RIN2: variants seen among roughly 807,000 people sequenced by gnomAD.
The protein encoded by RIN2 is Ras and Rab interactor 2, also known as RAB5 interacting protein 2.
RIN2 carries 36 observed loss-of-function variants against 78.0 expected under a neutral mutation model. That is an observed-to-expected ratio of 0.46 (90% CI 0.35 to 0.61). The LOEUF (loss-of-function observed/expected upper bound fraction) is 0.61. Among genes scored for constraint, RIN2 ranks in the 20% least tolerant of loss-of-function variants. The pLI is 0.00. For synonymous variants in RIN2, 466 were observed against 466.8 expected (o/e 1.00, Z 0.02); for missense variants, 1,087 against 1,159.7 (o/e 0.94, Z 0.91).
intron 2 of RIN2, among the ~76,000 whole-genome samples, chr20:19,824,968 G>A (rs961775051): frequency 3.3e-5 from 5 of 152,118 alleles, no homozygotes; most frequent in African/African-American, 7.2e-5. Flanking sequence ...TCGAGGCCAC[G>A]AGAACCTCTT....
At chr20:19,969,375 C>G (rs188233122) in intron 7 of RIN2, among the ~76,000 whole-genome samples, 1 of 152,148 alleles carries the variant, frequency 6.6e-6, no homozygotes, top group Admixed American at 6.6e-5. Flanking sequence ...CAGACCCTCC[C>G]CACCCCAGGG....
chr20:19,803,418 A>G (rs944266559), intron 2 of RIN2, among the ~76,000 whole-genome samples: 1 of 152,242 alleles, frequency 6.6e-6, no homozygotes, highest in African/African-American at 2.4e-5. Context: ...AACAGAATAG[A>G]GATCTCAGAA....
At chr20:19,892,712 C>T (rs1178051573) in intron 3 of RIN2, among the ~76,000 whole-genome samples, 1 of 152,228 alleles carries the variant, frequency 6.6e-6, no homozygotes, top group African/African-American at 2.4e-5. Context: ...TTATTCTTTG[C>T]TGTAACAATT....
At chr20:19,964,266 AAGTG>A (rs1465149381) in intron 6 of RIN2, among the ~76,000 whole-genome samples, 34 of 151,948 alleles carry the variant, frequency 2.2e-4, no homozygotes, top group African/African-American at 8.0e-4. Flanking sequence ...TTTTAAAAAA[AAGTG>A]AGAGAGAGAG....
intron 2 of RIN2, among the ~76,000 whole-genome samples, chr20:19,843,934 C>T (rs911678490): frequency 5.3e-5 from 8 of 152,130 alleles, no homozygotes; most frequent in African/African-American, 1.9e-4. Context: ...ATAAAACATG[C>T]AATTCTTTGA....
chr20:19,847,652 G>C (rs2036829471), intron 2 of RIN2, among the ~76,000 whole-genome samples: 1 of 152,084 alleles, frequency 6.6e-6, no homozygotes, highest in Non-Finnish European at 1.5e-5. Context: ...ACCAGATTTA[G>C]AAACATAATG....
In RIN2 at chr20:19,842,387, C is replaced by CTTTTTTTTTTTTTTTT. The variant is rs139642869; in HGVS notation, c.-37+42651_-37+42666dup. On this transcript the variant is annotated intron_variant, in intron 2 of 12. Coordinates refer to ENST00000255006, the MANE Select transcript of RIN2 (RefSeq NM_018993.4). ...TACAGGCACTCACCACCATCCCTGG[C>CTTTTTTTTTTTTTTTT]TTTTTTTTTTTTTTTTTTTTTTTTT... is the stretch of plus-strand genomic sequence containing the variant. 1.7e-4 allele frequency among the ~76,000 whole-genome samples: 8 copies of CTTTTTTTTTTTTTTTT among 46,198 alleles called. 2 individuals are homozygous for CTTTTTTTTTTTTTTTT. The highest frequency in any genetic ancestry group is 2.0e-4 in the Non-Finnish European group (5 of 24,848). 30.3% of individuals were successfully genotyped at this position (46,198 alleles called of 152,430 possible).
intron 4 of RIN2, among the ~76,000 whole-genome samples, chr20:19,949,691 C>T (rs1019994372): frequency 5.3e-5 from 8 of 152,206 alleles, no homozygotes; most frequent in African/African-American, 1.9e-4. Flanking sequence ...ATGCAGCTCG[C>T]GGGAGCGGGT....
At chr20:19,910,917 A>G (rs989451624) in intron 3 of RIN2, among the ~76,000 whole-genome samples, 3 of 151,408 alleles carry the variant, frequency 2.0e-5, no homozygotes, top group Non-Finnish European at 2.9e-5. Flanking sequence ...AATAGTTGCA[A>G]GAAGAGTTCA....
intron 1 of RIN2, among the ~76,000 whole-genome samples, chr20:19,797,630 T>C (rs2035099177): frequency 6.6e-6 from 1 of 152,184 alleles, no homozygotes. Context: ...CGTAGCTTAA[T>C]GTTTATTGGG....
At chr20:19,966,945 C>T (rs1397813036) in intron 7 of RIN2, among the ~76,000 whole-genome samples, 1 of 151,662 alleles carries the variant, frequency 6.6e-6, no homozygotes, top group Admixed American at 6.6e-5. Context: ...ACACACTCAT[C>T]CCCAGGGAAC....
intron 9 of RIN2, among the ~76,000 whole-genome samples, chr20:19,983,940 T>C (rs546540993): frequency 6.6e-6 from 1 of 152,280 alleles, no homozygotes; most frequent in African/African-American, 2.4e-5. Context: ...GCAGGTTTTT[T>C]ACATATGTAT....
At chr20:19,800,637 A>T (rs1349320426) in intron 2 of RIN2, among the ~76,000 whole-genome samples, 1 of 152,204 alleles carries the variant, frequency 6.6e-6, no homozygotes, top group Non-Finnish European at 1.5e-5. Context: ...CATGGGACTT[A>T]GAAGGCTGGC....
chr20:19,759,421 T>G (rs987812961), intron 1 of RIN2, among the ~76,000 whole-genome samples: 1 of 152,128 alleles, frequency 6.6e-6, no homozygotes, highest in East Asian at 1.9e-4. Flanking sequence ...TGCAAAGGGC[T>G]TACTGGGAAA....
chr20:19,975,979 G>A lies in RIN2; in HGVS notation c.1762+192G>A, dbSNP rs980984751. ...GACTGCCAGACTCAAAAATGTCTTC[G>A]GGAGTGACAGATTGGAGCTGCACAG... On this transcript the variant is annotated intron_variant, in intron 9 of 12. Coordinates refer to ENST00000255006, the MANE Select transcript of RIN2 (RefSeq NM_018993.4). The surrounding 1 kb of genome is among the most constrained non-coding windows in gnomAD (Gnocchi z 4.9). 1.3e-5 allele frequency among the ~76,000 whole-genome samples: 2 copies of A among 152,098 alleles called. No individual in the cohort carries two copies. Among genetic ancestry groups the A allele is most frequent in the African/African-American group, 4.8e-5 (2 of 41,422 alleles).
intron 9 of RIN2, 97 bp from the exon 10 acceptor site, chr20:19,989,909 C>T: frequency 1.6e-6 from 2 of 1,212,732 alleles, no homozygotes; most frequent in Non-Finnish European, 2.3e-6. Context: ...TGCCTGCAAC[C>T]AATGCATAGA....
At chr20:19,915,376 G>T (rs949929385) in intron 3 of RIN2, among the ~76,000 whole-genome samples, 1 of 152,116 alleles carries the variant, frequency 6.6e-6, no homozygotes. Flanking sequence ...GCTGCCCTGG[G>T]GTATTAACTC....
intron 4 of RIN2, among the ~76,000 whole-genome samples, chr20:19,955,927 T>G (rs748713541): frequency 6.6e-6 from 1 of 152,160 alleles, no homozygotes; most frequent in Non-Finnish European, 1.5e-5. Context: ...CCATCCATGC[T>G]ATTTCGCATT....
intron 2 of RIN2, chr20:19,886,777 T>G: frequency 6.5e-7 from 1 of 1,528,568 alleles, no homozygotes; most frequent in Admixed American, 2.1e-5. Context: ...CCTCTCAAAC[T>G]ACGGTACCCT....
Sources: gnomAD v4.1 joint callset for allele counts (sites outside exome capture counted in the v4.1 genomes callset) on GRCh38, gnomAD v4.1.1 for gene constraint, Gnocchi (gnomAD v3.1) non-coding constraint, MANE v1.5 for transcripts, NCBI Gene and HGNC (gene_info 2026-07-23, HGNC 2026-07-21) for gene names.